BCAT2: variants seen among roughly 807,000 people sequenced by gnomAD.
BCAT2 encodes branched chain amino acid transaminase 2.
BCAT2 carries 44 observed loss-of-function variants against 52.9 expected under a neutral mutation model. That is an observed-to-expected ratio of 0.83 (90% CI 0.65 to 1.07). BCAT2 has a LOEUF of 1.07. Among genes scored for constraint, BCAT2 ranks in the 50% least tolerant of loss-of-function variants. The probability of loss-of-function intolerance (pLI) is 0.00; values close to 1 mark genes in which losing one functional copy is unlikely to be tolerated. For missense variants in BCAT2, 478 were observed against 521.8 expected, an observed-to-expected ratio of 0.92 and a Z score of 0.82; for synonymous variants, 215 against 217.1, an observed-to-expected ratio of 0.99 and a Z score of 0.08.
rs142099967 is a variant in BCAT2, at chr19:48,806,597, C to G, written c.220G>C (p.Gly74Arg). The G allele has an allele frequency of 1.9e-6, 3 of 1,614,018 alleles. No homozygotes were observed. Among genetic ancestry groups the G allele is most frequent in the African/African-American group, 1.3e-5 (1 of 74,896 alleles). The change falls in exon 3 of 11, where the codon GGC (glycine) becomes CGC (arginine). Residue 74 changes from glycine (G) to arginine (R), a missense_variant. Transcript: ENST00000316273. ...GGCTGGATTCGGGGCTGGCCCCAGC[C>G]CTTGTCATTCCATTCCACCATCAGC... ...HMLMVEWNDK[G>R]WGQPRIQPFQ... is the part of the protein sequence containing the mutation.
At chr19:48,798,468 CTT>C (rs2034581338) in intron 6 of BCAT2, among the ~76,000 whole-genome samples, 1 of 152,198 alleles carries the variant, frequency 6.6e-6, no homozygotes, top group African/African-American at 2.4e-5. Flanking sequence ...AAAACCCAAA[CTT>C]ATTTTTGTAA....
chr19:48,804,711 C>T (rs988675851), intron 3 of BCAT2, among the ~76,000 whole-genome samples: 7 of 152,126 alleles, frequency 4.6e-5, no homozygotes, highest in African/African-American at 1.7e-4. Context: ...TTCTGTCTGC[C>T]AGGGCCACAG....
Position 48,799,645 on chromosome 19 carries a change from A to T in BCAT2, c.695+30T>A. ...CTGTGTCTCCAACGCCCAGTGCGCC[A>T]GTCGTTCTGGGGATGGGGGTGCTAC... is the stretch of plus-strand genomic sequence containing the variant. On this transcript the variant is annotated intron_variant, in intron 6 of 10. Coordinates refer to ENST00000316273, the MANE Select transcript of BCAT2 (RefSeq NM_001190.4). The surrounding 1 kb of genome is among the most constrained non-coding windows in gnomAD (Gnocchi z 5.5). 6.5e-7 allele frequency: 1 copy of T among 1,537,230 alleles called. No individual in the cohort carries two copies. Among genetic ancestry groups the T allele is most frequent in the East Asian group, 2.3e-5 (1 of 43,762 alleles).
At chr19:48,802,540 C>T (rs1051529382) in intron 3 of BCAT2, among the ~76,000 whole-genome samples, 4 of 149,552 alleles carry the variant, frequency 2.7e-5, no homozygotes, top group African/African-American at 4.9e-5. Context: ...CTCCGCCTCC[C>T]GGGTTCAAGC....
Position 48,797,348 on chromosome 19 carries a change from T to C in BCAT2, c.696-15A>G, listed in dbSNP as rs526744. 1,211,427 of 1,613,168 alleles carry C rather than the reference T, an allele frequency of 0.75. 456,951 individuals are homozygous for C. The highest frequency in any genetic ancestry group is 0.84 in the African/African-American group (63,238 of 74,972). On this transcript the variant is annotated splice_polypyrimidine_tract_variant and intron_variant, in intron 6 of 10. Transcript: ENST00000316273. ...GCCCATAATTCCTGGTGGAGGGCAGTCTGGTTGGGTGGGGCAAGGGAGCCC... is the reference window on the plus strand; with the variant it reads ...GCCCATAATTCCTGGTGGAGGGCAGCCTGGTTGGGTGGGGCAAGGGAGCCC...
chr19:48,810,722 T>A, intron 1 of BCAT2: 87 of 846,692 alleles, frequency 1.0e-4, no homozygotes, highest in Non-Finnish European at 1.3e-4. Context: ...TACAGGGTCC[T>A]CCACCATGTT....
At chr19:48,806,781 C>CCATGAAG (rs1167023705) in intron 2 of BCAT2, 64 bp from the exon 3 acceptor site, 26 of 1,577,608 alleles carry the variant, frequency 1.6e-5, no homozygotes, top group South Asian at 2.2e-5. Flanking sequence ...ACTACAACTC[C>CCATGAAG]CATGAAGCCC....
In BCAT2 at chr19:48,799,486, A is replaced by G; in HGVS notation, c.695+189T>C. The G allele has an allele frequency of 1.4e-6, 1 of 730,402 alleles. No individual in the cohort carries two copies. The allele number at this position is 730,402 out of a possible 1,614,324, so 45.2% of individuals were successfully genotyped here. A position where few individuals can be genotyped will look rare whatever the true frequency, so the allele number is the denominator to read the frequency against. ...AGCCTTTTTGTCCATCTGAAAAATA[A>G]TCCCCTCCTCCTTCCTTCCATGGTT... On this transcript the variant is annotated intron_variant, in intron 6 of 10. Transcript: ENST00000316273. This position sits in a 1 kb window ranked among gnomAD's most constrained non-coding sequence, Gnocchi z 5.5.
intron 3 of BCAT2, among the ~76,000 whole-genome samples, chr19:48,802,048 T>A (rs980169492): frequency 1.3e-5 from 2 of 152,006 alleles, no homozygotes; most frequent in African/African-American, 2.4e-5. Flanking sequence ...CAGCCCCAGA[T>A]GAATTTTTTA....
chr19:48,810,419 A>C (rs942925233), intron 1 of BCAT2, among the ~76,000 whole-genome samples: 4 of 152,188 alleles, frequency 2.6e-5, no homozygotes, highest in African/African-American at 9.7e-5. Context: ...AGCATCTGTC[A>C]CTTTGACCAT....
Position 48,795,311 on chromosome 19 carries a change from G to C in BCAT2, c.*115C>G. 1 of 1,418,496 alleles carries C rather than the reference G, an allele frequency of 7.0e-7. No individual in the cohort carries two copies. The highest frequency in any genetic ancestry group is 9.7e-7 in the Non-Finnish European group (1 of 1,028,752). The allele number at this position is 1,418,496 out of a possible 1,614,324, so 87.9% of individuals were successfully genotyped here. ...ACATGGGGGCGCCAGAGACCCAGAC[G>C]CCGCCCGCTGGCCTTTTATTTCGTA... On this transcript the variant is annotated 3_prime_UTR_variant, in exon 11 of 11. Coordinates refer to ENST00000316273, the MANE Select transcript of BCAT2 (RefSeq NM_001190.4).
chr19:48,802,597 G>A (rs1410645549), intron 3 of BCAT2, among the ~76,000 whole-genome samples: 2 of 151,456 alleles, frequency 1.3e-5, no homozygotes, highest in African/African-American at 4.9e-5. Context: ...ACAGGCACCC[G>A]CCACCACACC....
At chr19:48,808,307 G>A in intron 1 of BCAT2, 1 of 957,060 alleles carries the variant, frequency 1.0e-6, no homozygotes, top group Non-Finnish European at 1.2e-6. Flanking sequence ...CTGTGGGCAG[G>A]AGAGCTGCCC....
intron 1 of BCAT2, among the ~76,000 whole-genome samples, chr19:48,808,766 G>GA (rs984605468): frequency 2.4e-4 from 36 of 150,916 alleles, no homozygotes; most frequent in Non-Finnish European, 3.3e-4. Context: ...CAATTAAAAA[G>GA]AAAAAAAACA....
chr19:48,810,904 C>T (rs1009186748), intron 1 of BCAT2, 80 bp downstream of exon 1: 5 of 1,563,086 alleles, frequency 3.2e-6, no homozygotes, highest in Admixed American at 3.8e-5. Context: ...CGAGTCGGAC[C>T]GGCTGCAGGC....
chr19:48,806,958 C>T (rs764981978), intron 2 of BCAT2, 42 bp downstream of exon 2: 2 of 1,599,552 alleles, frequency 1.3e-6, no homozygotes, highest in East Asian at 4.5e-5. Flanking sequence ...GCTGCCAGCC[C>T]CCTCCTCTCT....
At position 48,796,515 on chromosome 19, in the gene BCAT2, G is replaced by T. The variant is rs1568504636; in HGVS notation, c.1066-13C>A. On this transcript the variant is annotated splice_polypyrimidine_tract_variant and intron_variant, in intron 9 of 10. Transcript: ENST00000316273. ...GAATGTGGAGGTTCTGGGACAGAAG[G>T]TGCGGTGAGGACCAAGCCCCTCCCC... 1.4e-5 allele frequency: 23 copies of T among 1,612,212 alleles called. No homozygotes were observed. Among genetic ancestry groups the T allele is most frequent in the Non-Finnish European group, 1.7e-5 (20 of 1,179,570 alleles).
rs377375515 is a variant in BCAT2 at position 48,807,100 on chromosome 19, G to C, written c.25-26C>G. On this transcript the variant is annotated intron_variant, in intron 1 of 10. Coordinates refer to ENST00000316273, the MANE Select transcript of BCAT2 (RefSeq NM_001190.4). The surrounding 1 kb of genome is among the most constrained non-coding windows in gnomAD (Gnocchi z 4.6). Reference sequence around the variant, plus strand: ...CTGGGTGGAGAAAGAAGTGAGAGAGGGGGTGAGTGGGGCACAGCAGGGGCC... The same window carrying C: ...CTGGGTGGAGAAAGAAGTGAGAGAGCGGGTGAGTGGGGCACAGCAGGGGCC... 1 of 1,594,970 alleles carries C rather than the reference G, an allele frequency of 6.3e-7. No homozygotes were observed. Among genetic ancestry groups the C allele is most frequent in the Non-Finnish European group, 8.6e-7 (1 of 1,165,776 alleles).
chr19:48,797,896 A>C (rs1360586954), intron 6 of BCAT2, among the ~76,000 whole-genome samples: 1 of 150,308 alleles, frequency 6.7e-6, no homozygotes, highest in African/African-American at 2.5e-5. Flanking sequence ...AGCTCACTGC[A>C]ACCTCCGCCT....
Sources: gnomAD v4.1 joint callset for allele counts (sites outside exome capture counted in the v4.1 genomes callset) on GRCh38, gnomAD v4.1.1 for gene constraint, Gnocchi (gnomAD v3.1) non-coding constraint, MANE v1.5 for transcripts, NCBI Gene and HGNC (gene_info 2026-07-23, HGNC 2026-07-21) for gene names.